The following KLHL4 variants were observed in gnomAD, a reference collection of about 807,000 sequenced individuals.
KLHL4 encodes the protein kelch like family member 4, also known as kelch-like protein 4.
KLHL4 carries 17 observed loss-of-function variants against 45.8 expected under a neutral mutation model. The ratio of observed to expected loss-of-function variants is 0.37; its 90% CI spans 0.25 to 0.56. The LOEUF (loss-of-function observed/expected upper bound fraction) is 0.56. KLHL4 is among the 20% of genes least tolerant of loss of function. The pLI is 0.79. For missense variants in KLHL4, 544 were observed against 544.9 expected, an observed-to-expected ratio of 1.00 and a Z score of 0.02; for synonymous variants, 224 against 189.9, an observed-to-expected ratio of 1.18 and a Z score of -1.47.
At chrX:87,590,249 A>G (rs916350109) in intron 1 of KLHL4, among the ~76,000 whole-genome samples, 2 of 110,490 alleles carry the variant, frequency 1.8e-5, no homozygotes, top group African/African-American at 3.3e-5. Flanking sequence ...CATGTACCCC[A>G]TAAATATATA....
At chrX:87,645,140 C>T (rs957436686) in intron 9 of KLHL4, among the ~76,000 whole-genome samples, 2 of 111,788 alleles carry the variant, frequency 1.8e-5, no homozygotes, top group Non-Finnish European at 3.8e-5. Flanking sequence ...AAAATCTTCA[C>T]GATCCGTACA....
At chrX:87,642,496 AC>A in intron 9 of KLHL4, among the ~76,000 whole-genome samples, 1 of 111,532 alleles carries the variant, frequency 9.0e-6, no homozygotes, top group East Asian at 2.8e-4. Context: ...GCTCTTCAAC[AC>A]CCCCCTAAAG....
chrX:87,568,383 C>CTTTTTTTTTTTTTTTTTTTTTTTTTT (rs756469573), intron 1 of KLHL4, among the ~76,000 whole-genome samples: 1 of 59,250 alleles, frequency 1.7e-5, no homozygotes, highest in African/African-American at 6.5e-5. Context: ...TTTTTCTTTT[C>CTTTTTTTTTTTTTTTTTTTTTTTTTT]TTTTTTTCTT....
In KLHL4 at chrX:87,634,662, C is replaced by T. The variant is rs193189544; in HGVS notation, c.1712+751C>T. ...GATATGGTCTCAGTCAAAATGTCAA[C>T]GCATTGTTTTTAGAACCTTGCACAG... On this transcript the variant is annotated intron_variant, in intron 8 of 10. Coordinates refer to ENST00000373119, the MANE Select transcript of KLHL4 (RefSeq NM_019117.5). 2.3e-3 allele frequency among the ~76,000 whole-genome samples: 259 copies of T among 111,902 alleles called. 3 individuals are homozygous for T. In the South Asian group the frequency reaches 0.049, roughly 21 times the overall value.
chrX:87,667,062 A>G lies in KLHL4; in HGVS notation c.*528A>G. On this transcript the variant is annotated 3_prime_UTR_variant, in exon 11 of 11. Coordinates refer to ENST00000373119, the MANE Select transcript of KLHL4 (RefSeq NM_019117.5). The stretch of plus-strand genomic sequence containing the variant: ...GCTAAACAATTCCTTACATTTACCA[A>G]GAGGAAAGCTTTTACTGTGTTGAAG... The G allele has an allele frequency of 1.4e-6, 1 of 724,683 alleles. No individual in the cohort carries two copies. The highest frequency in any genetic ancestry group is 1.6e-6 in the Non-Finnish European group (1 of 621,716). 59.7% of individuals were successfully genotyped at this position (724,683 alleles called of 1,213,427 possible). A position where few individuals can be genotyped will look rare whatever the true frequency, so the allele number is the denominator to read the frequency against.
chrX:87,663,534 G>A (rs1924266559), intron 9 of KLHL4, among the ~76,000 whole-genome samples: 1 of 112,213 alleles, frequency 8.9e-6, no homozygotes, highest in African/African-American at 3.2e-5. Context: ...AAAAGTCTTG[G>A]GTCTTTGGAT....
At chrX:87,599,463 A>C (rs1201352283) in intron 1 of KLHL4, among the ~76,000 whole-genome samples, 1 of 111,915 alleles carries the variant, frequency 8.9e-6, no homozygotes, top group East Asian at 2.8e-4. Context: ...CTTCAAAAAC[A>C]TATGTACTGT....
At chrX:87,546,069 A>G (rs1338071378) in intron 1 of KLHL4, among the ~76,000 whole-genome samples, 1 of 111,677 alleles carries the variant, frequency 9.0e-6, no homozygotes, top group Non-Finnish European at 1.9e-5. Context: ...AAAACAACAA[A>G]ACAAAACAAA....
In KLHL4 at chrX:87,622,197, C is replaced by A. The variant is rs376542479; in HGVS notation, c.925-14C>A. 2.6e-6 allele frequency: 3 copies of A among 1,140,721 alleles called. No homozygotes were observed. Among genetic ancestry groups the A allele is most frequent in the Non-Finnish European group, 1.2e-6 (1 of 833,083 alleles). 94.0% of individuals were successfully genotyped at this position (1,140,721 alleles called of 1,213,427 possible). Reference sequence around the variant, plus strand: ...TAAAGTGCAAAGTTTTAGTAGATGACCTTTCTTTTCTAGGAACACTTCATT... The same window carrying A: ...TAAAGTGCAAAGTTTTAGTAGATGAACTTTCTTTTCTAGGAACACTTCATT... On this transcript the variant is annotated splice_polypyrimidine_tract_variant and intron_variant, in intron 4 of 10. Coordinates refer to ENST00000373119, the MANE Select transcript of KLHL4 (RefSeq NM_019117.5).
At chrX:87,540,893 T>A (rs532959927) in intron 1 of KLHL4, among the ~76,000 whole-genome samples, 35 of 111,739 alleles carry the variant, frequency 3.1e-4, no homozygotes, top group African/African-American at 1.0e-3. Flanking sequence ...TCACAAACAT[T>A]TGAGTAATGT....
At chrX:87,554,149 T>G (rs6521940) in intron 1 of KLHL4, among the ~76,000 whole-genome samples, 1 of 58,955 alleles carries the variant, frequency 1.7e-5, no homozygotes, top group Non-Finnish European at 3.1e-5. Context: ...AGTCAGGTAG[T>G]GTGATGCCTC....
intron 9 of KLHL4, among the ~76,000 whole-genome samples, chrX:87,637,312 T>C (rs754124360): frequency 8.9e-6 from 1 of 111,744 alleles, no homozygotes; most frequent in Admixed American, 9.5e-5. Context: ...ATCACCCCCA[T>C]AGGACAAAAG....
chrX:87,527,136 T>C (rs1271623203), intron 1 of KLHL4, among the ~76,000 whole-genome samples: 1 of 111,633 alleles, frequency 9.0e-6, no homozygotes, highest in Non-Finnish European at 1.9e-5. Flanking sequence ...TGCAAGGAAG[T>C]TTTCCCAGGC....
chrX:87,621,486 T>G (rs1255406998), intron 4 of KLHL4, among the ~76,000 whole-genome samples: 3 of 99,639 alleles, frequency 3.0e-5, no homozygotes, highest in Non-Finnish European at 3.9e-5. Context: ...ATATATAAAT[T>G]TATTATTATT....
chrX:87,531,951 A>C (rs1262921497), intron 1 of KLHL4, among the ~76,000 whole-genome samples: 1 of 103,728 alleles, frequency 9.6e-6, no homozygotes, highest in African/African-American at 3.5e-5. Flanking sequence ...CAAGCTACCA[A>C]TGACTTTCTT....
chrX:87,627,631 A>G (rs1294254593), intron 6 of KLHL4, among the ~76,000 whole-genome samples: 2 of 111,814 alleles, frequency 1.8e-5, no homozygotes, highest in African/African-American at 6.5e-5. Context: ...CCTATAATTA[A>G]TTTCCAGTCT....
chrX:87,612,327 C>T, intron 1 of KLHL4, among the ~76,000 whole-genome samples: 1 of 111,516 alleles, frequency 9.0e-6, no homozygotes, highest in Non-Finnish European at 1.9e-5. Flanking sequence ...TTACTGTGCT[C>T]TTTCTATGTT....
rs1602474545 is a variant in KLHL4 at position 87,667,601 on chromosome X, A to G, written c.*1067A>G. 1 of 621,255 alleles carries G rather than the reference A, an allele frequency of 1.6e-6. No homozygotes were observed. Among genetic ancestry groups the G allele is most frequent in the African/African-American group, 2.4e-5 (1 of 41,026 alleles). The allele number at this position is 621,255 out of a possible 1,213,427, so 51.2% of individuals were successfully genotyped here. A position where few individuals can be genotyped will look rare whatever the true frequency, so the allele number is the denominator to read the frequency against. ...GATATGTGTGCTATATAAAAAAAAA[A>G]AAAGACTTGTTAAGTTTTAAAATAA... On this transcript the variant is annotated 3_prime_UTR_variant, in exon 11 of 11. Coordinates refer to ENST00000373119, the MANE Select transcript of KLHL4 (RefSeq NM_019117.5).
At position 87,644,437 on chromosome X, in the gene KLHL4, T is replaced by A. The variant is rs992841900; in HGVS notation, c.1925+8662T>A. On this transcript the variant is annotated intron_variant, in intron 9 of 10. Coordinates refer to ENST00000373119, the MANE Select transcript of KLHL4 (RefSeq NM_019117.5). ...CAAGAAATGGAAACACATCCCATGCTCATGGATGGGTAGAATCAATATTGT... is the reference window on the plus strand; with the variant it reads ...CAAGAAATGGAAACACATCCCATGCACATGGATGGGTAGAATCAATATTGT... 2.7e-5 allele frequency among the ~76,000 whole-genome samples: 3 copies of A among 111,198 alleles called. No homozygotes were observed. The Admixed American group carries it at 2.9e-4, about 11-fold the overall frequency.
Sources: allele counts gnomAD v4.1 joint callset (sites outside exome capture counted in the v4.1 genomes callset), GRCh38; gene constraint gnomAD v4.1.1; transcripts MANE v1.5; gene names NCBI Gene and HGNC (gene_info 2026-07-23, HGNC 2026-07-21).